The following IGF1R variants were observed in gnomAD, a reference collection of about 807,000 sequenced individuals.
IGF1R encodes the protein insulin-like growth factor 1 receptor.
IGF1R carries 44 observed loss-of-function variants against 144.6 expected under a neutral mutation model. That is an observed-to-expected ratio of 0.30 (90% CI 0.24 to 0.39). The LOEUF (loss-of-function observed/expected upper bound fraction) is 0.39, where lower values mean the gene tolerates loss of function less well. Among genes scored for constraint, IGF1R ranks in the 10% least tolerant of loss-of-function variants. The pLI is 1.00. For synonymous variants in IGF1R, 795 were observed against 722.8 expected (o/e 1.10, Z -1.60); for missense variants, 1,355 against 1,833.7 (o/e 0.74, Z 4.77).
intron 2 of IGF1R, among the ~76,000 whole-genome samples, chr15:98,841,238 A>G (rs907538594): frequency 1.3e-5 from 2 of 152,224 alleles, no homozygotes; most frequent in Non-Finnish European, 2.9e-5. Context: ...ATGAGACTCC[A>G]ACTAACTCCA....
intron 2 of IGF1R, among the ~76,000 whole-genome samples, chr15:98,723,501 G>T (rs2054290618): frequency 6.6e-6 from 1 of 152,208 alleles, no homozygotes; most frequent in Non-Finnish European, 1.5e-5. Context: ...TCAGCTCCTG[G>T]TACTTAATGC....
At chr15:98,768,763 CAAAA>C (rs72476452) in intron 2 of IGF1R, among the ~76,000 whole-genome samples, 1 of 86,258 alleles carries the variant, frequency 1.2e-5, no homozygotes, top group African/African-American at 4.5e-5. Context: ...ACTAAAAATA[CAAAA>C]AAAAAAAAAA....
At chr15:98,865,449 A>C (rs1596373062) in intron 2 of IGF1R, among the ~76,000 whole-genome samples, 1 of 152,150 alleles carries the variant, frequency 6.6e-6, no homozygotes, top group Admixed American at 6.5e-5. Flanking sequence ...GGCTGGCTGG[A>C]GGTGGGGCTC....
chr15:98,747,206 G>GT (rs112970502), intron 2 of IGF1R, among the ~76,000 whole-genome samples: 86,028 of 151,610 alleles, frequency 0.57, 25,003 homozygotes, highest in Non-Finnish European at 0.63. Context: ...TGTTGTTGTT[G>GT]TGTTTTTGAG....
At chr15:98,796,169 G>A (rs886867140) in intron 2 of IGF1R, among the ~76,000 whole-genome samples, 20 of 54,362 alleles carry the variant, frequency 3.7e-4, no homozygotes, top group Non-Finnish European at 1.1e-3. Context: ...CCAGCATCGT[G>A]TGGGCACTGT....
Position 98,648,782 on chromosome 15 carries a change from C to G in IGF1R, c.-800C>G, listed in dbSNP as rs1174224515. Among the ~76,000 whole-genome samples, 1 of 143,872 alleles carries G rather than the reference C, an allele frequency of 7.0e-6. No individual in the cohort carries two copies. Among genetic ancestry groups the G allele is most frequent in the Non-Finnish European group, 1.5e-5 (1 of 65,136 alleles). 94.4% of individuals were successfully genotyped at this position (143,872 alleles called of 152,430 possible). On this transcript the variant is annotated 5_prime_UTR_variant, in exon 1 of 21. Transcript: ENST00000650285. ...CCTCCACGCCCCTCCCGCGCGGGGG[C>G]AGCTCCACGGCGCGCCTCGCCTCGG...
At chr15:98,911,858 G>A (rs1193476267) in intron 7 of IGF1R, among the ~76,000 whole-genome samples, 2 of 152,134 alleles carry the variant, frequency 1.3e-5, no homozygotes, top group African/African-American at 2.4e-5. Flanking sequence ...TGGCTCTTTT[G>A]TATCATCTTA....
chr15:98,946,798 T>A (rs944005415), intron 19 of IGF1R, among the ~76,000 whole-genome samples: 3 of 152,188 alleles, frequency 2.0e-5, no homozygotes, highest in Non-Finnish European at 2.9e-5. Context: ...GAGAACTGGC[T>A]GCCTGCAAGC....
intron 15 of IGF1R, among the ~76,000 whole-genome samples, chr15:98,934,058 A>G (rs138174731): frequency 6.6e-6 from 1 of 152,124 alleles, no homozygotes; most frequent in Non-Finnish European, 1.5e-5. Flanking sequence ...GTAACCCAGT[A>G]TATCCAAAAT....
chr15:98,839,104 T>C (rs927110838), intron 2 of IGF1R, among the ~76,000 whole-genome samples: 6 of 152,220 alleles, frequency 3.9e-5, no homozygotes, highest in African/African-American at 9.6e-5. Context: ...GCCAGTGAGC[T>C]TACACCTAGA....
At chr15:98,708,266 T>TG (rs779824246) in intron 2 of IGF1R, among the ~76,000 whole-genome samples, 159 bp downstream of exon 2, 2 of 152,218 alleles carry the variant, frequency 1.3e-5, no homozygotes, top group East Asian at 3.9e-4. Flanking sequence ...TGGTTCCCAG[T>TG]GGGGGTCTTG....
chr15:98,685,233 C>T (rs755828639), intron 1 of IGF1R, among the ~76,000 whole-genome samples: 37 of 152,186 alleles, frequency 2.4e-4, no homozygotes, highest in Non-Finnish European at 4.6e-4. Flanking sequence ...GCATGAGCCA[C>T]CATGCCCGGC....
chr15:98,703,299 T>G (rs1488107783), intron 1 of IGF1R, among the ~76,000 whole-genome samples: 2 of 152,138 alleles, frequency 1.3e-5, no homozygotes, highest in African/African-American at 2.4e-5. Flanking sequence ...CCACAAAGGG[T>G]GTGTCTCTCC....
rs57893349 is a variant in IGF1R at position 98,777,843 on chromosome 15, C to T, written c.640+69736C>T. Reference sequence around the variant, plus strand: ...CATGACTTTTCAGAGAAGTGGCACACGTTTACTGTAAGGGTCCCAAATGTA... The same window carrying T: ...CATGACTTTTCAGAGAAGTGGCACATGTTTACTGTAAGGGTCCCAAATGTA... On this transcript the variant is annotated intron_variant, in intron 2 of 20. Transcript: ENST00000650285. Among the ~76,000 whole-genome samples, 557 of 152,244 alleles carry T rather than the reference C, an allele frequency of 3.7e-3. 3 individuals are homozygous for T. The highest frequency in any genetic ancestry group is 0.013 in the African/African-American group (522 of 41,536).
chr15:98,957,585 C>T lies in IGF1R; in HGVS notation c.*143C>T. The T allele has an allele frequency of 1.0e-6, 1 of 998,962 alleles. No individual in the cohort carries two copies. The highest frequency in any genetic ancestry group is 1.5e-6 in the Non-Finnish European group (1 of 657,790). 61.9% of individuals were successfully genotyped at this position (998,962 alleles called of 1,614,324 possible). On this transcript the variant is annotated 3_prime_UTR_variant, in exon 21 of 21. Transcript: ENST00000650285. ...AACTGCCCTTGCTGCCCGCGGGAGA[C>T]AGCTTCTCTGCAGTAAAACACATTT...
intron 2 of IGF1R, among the ~76,000 whole-genome samples, chr15:98,760,245 G>A (rs1425009958): frequency 6.6e-6 from 1 of 152,050 alleles, no homozygotes; most frequent in Non-Finnish European, 1.5e-5. Flanking sequence ...CAGCCACTTG[G>A]GAGGCTGAGG....
intron 1 of IGF1R, among the ~76,000 whole-genome samples, chr15:98,695,464 A>C (rs1239135552): frequency 2.0e-5 from 3 of 152,174 alleles, no homozygotes; most frequent in Non-Finnish European, 4.4e-5. Context: ...TCCAAAGCGG[A>C]ATTTTCTACC....
Position 98,957,775 on chromosome 15 carries a change from C to T in IGF1R, c.*333C>T. On this transcript the variant is annotated 3_prime_UTR_variant, in exon 21 of 21. Coordinates refer to ENST00000650285, the MANE Select transcript of IGF1R (RefSeq NM_000875.5). ...GTCCTTCCCTGTTCTCCCTTTCTCT[C>T]TCCTCTCTGCTTCATAACGGAAAAA... is the stretch of plus-strand genomic sequence containing the variant. 2.6e-6 allele frequency: 1 copy of T among 391,706 alleles called. No individual in the cohort carries two copies. Among genetic ancestry groups the T allele is most frequent in the Non-Finnish European group, 4.6e-6 (1 of 215,918 alleles). 24.3% of individuals were successfully genotyped at this position (391,706 alleles called of 1,614,324 possible). A position where few individuals can be genotyped will look rare whatever the true frequency, so the allele number is the denominator to read the frequency against.
rs5814891 is a variant in IGF1R, at chr15:98,684,930, C to CT, written c.95-22610dup. Among the ~76,000 whole-genome samples the CT allele has an allele frequency of 9.5e-3, 1,083 of 113,430 alleles. 6 individuals are homozygous for CT. Among genetic ancestry groups the CT allele is most frequent in the African/African-American group, 0.025 (802 of 31,834 alleles). 74.4% of individuals were successfully genotyped at this position (113,430 alleles called of 152,430 possible). On this transcript the variant is annotated intron_variant, in intron 1 of 20. Transcript: ENST00000650285. ...ATGTATATATTTCTTCTTCCTTTTC[C>CT]TTTTTTTTTTTTTTTTTTTTTTAAA... is the stretch of plus-strand genomic sequence containing the variant.
Sources: gnomAD v4.1 joint callset for allele counts (sites outside exome capture counted in the v4.1 genomes callset) on GRCh38, gnomAD v4.1.1 for gene constraint, MANE v1.5 for transcripts, NCBI Gene and HGNC (gene_info 2026-07-23, HGNC 2026-07-21) for gene names.